Variants in ZFAT observed in about 807,000 individuals in gnomAD.
The protein encoded by ZFAT is zinc finger and AT-hook domain containing.
A neutral mutation model predicts 117.7 loss-of-function variants in ZFAT; 64 were observed. That is an observed-to-expected ratio of 0.54 (90% confidence interval 0.44 to 0.67). ZFAT has a LOEUF of 0.67. Ranked by LOEUF, ZFAT falls within the 30% of genes least tolerant of loss-of-function variation. The pLI is 0.00. For synonymous variants in ZFAT, 679 were observed against 615.0 expected (o/e 1.10, Z -1.54); for missense variants, 1,433 against 1,584.5 (o/e 0.90, Z 1.62).
intron 1 of ZFAT, among the ~76,000 whole-genome samples, chr8:134,685,031 C>T (rs1833253475): frequency 6.6e-6 from 1 of 152,172 alleles, no homozygotes; most frequent in Non-Finnish European, 1.5e-5. Context: ...CCCTCCCCTG[C>T]CCCAGCCACT....
At chr8:134,591,525 G>A (rs536766853) in intron 7 of ZFAT, among the ~76,000 whole-genome samples, 9 of 152,288 alleles carry the variant, frequency 5.9e-5, no homozygotes, top group African/African-American at 2.2e-4. Flanking sequence ...GGTGTTATTG[G>A]TTGAATTCTA....
chr8:134,712,927 C>T lies in ZFAT; in HGVS notation c.-64G>A. 6.9e-7 allele frequency: 1 copy of T among 1,453,796 alleles called. No homozygotes were observed. The highest frequency in any genetic ancestry group is 9.1e-7 in the Non-Finnish European group (1 of 1,104,762). 90.1% of individuals were successfully genotyped at this position (1,453,796 alleles called of 1,614,324 possible). ...TCTTCCGGGCCCCCTCCCGTGCCGA[C>T]CGAGGGGGCGGGGCGCCCTGCTGAC... is the stretch of plus-strand genomic sequence containing the variant. On this transcript the variant is annotated 5_prime_UTR_variant, in exon 1 of 16. Coordinates refer to ENST00000377838, the MANE Select transcript of ZFAT (RefSeq NM_020863.4).
At chr8:134,484,952 GA>G (rs1563759912) in intron 15 of ZFAT, among the ~76,000 whole-genome samples, 1 of 152,088 alleles carries the variant, frequency 6.6e-6, no homozygotes, top group East Asian at 1.9e-4. Context: ...GATGAACAAA[GA>G]AAGCAGTAAA....
the ZFAT span, among the ~76,000 whole-genome samples, chr8:134,757,997 A>T: frequency 1.3e-5 from 2 of 152,218 alleles, no homozygotes; most frequent in African/African-American, 4.8e-5. Context: ...AAATCTTCTG[A>T]TTTCAAAACC....
chr8:134,759,684 AT>A, the ZFAT span, among the ~76,000 whole-genome samples: 1 of 152,128 alleles, frequency 6.6e-6, no homozygotes, highest in South Asian at 2.1e-4. Flanking sequence ...AATTTTTAAA[AT>A]AACTTCCCAG....
At chr8:134,583,793 C>T (rs1004150190) in intron 10 of ZFAT, 39 bp downstream of exon 10, 19 of 1,606,530 alleles carry the variant, frequency 1.2e-5, no homozygotes, top group Non-Finnish European at 1.5e-5. Context: ...TCAAACCACA[C>T]ATTTAGAGGG....
chr8:134,480,887 AAGGG>A (rs1380585843), intron 15 of ZFAT, among the ~76,000 whole-genome samples: 1 of 152,132 alleles, frequency 6.6e-6, no homozygotes, highest in East Asian at 1.9e-4. Flanking sequence ...CATGAGTGAG[AAGGG>A]CTGTGTCAAA....
intron 2 of ZFAT, among the ~76,000 whole-genome samples, chr8:134,647,799 G>A (rs889108242): frequency 6.6e-6 from 1 of 151,992 alleles, no homozygotes; most frequent in Non-Finnish European, 1.5e-5. Flanking sequence ...TATAATCAAG[G>A]TGAAAGATCC....
At chr8:134,613,446 T>C (rs938213654) in intron 3 of ZFAT, among the ~76,000 whole-genome samples, 11 of 152,212 alleles carry the variant, frequency 7.2e-5, no homozygotes, top group Admixed American at 2.6e-4. Flanking sequence ...TCTGGCGCCA[T>C]GCCGTTTTAA....
At chr8:134,523,001 G>C (rs1820771606) in intron 12 of ZFAT, among the ~76,000 whole-genome samples, 1 of 152,164 alleles carries the variant, frequency 6.6e-6, no homozygotes, top group South Asian at 2.1e-4. Flanking sequence ...GTGGGTGAGA[G>C]TTCCCCTCCG....
intron 15 of ZFAT, among the ~76,000 whole-genome samples, chr8:134,501,306 C>G (rs1818957706): frequency 6.6e-6 from 1 of 152,154 alleles, no homozygotes; most frequent in Admixed American, 6.5e-5. Flanking sequence ...ATTCTCTTGC[C>G]TGGGTCTTCC....
intron 1 of ZFAT, among the ~76,000 whole-genome samples, chr8:134,686,077 G>A (rs1053741691): frequency 1.3e-5 from 2 of 152,226 alleles, no homozygotes; most frequent in African/African-American, 4.8e-5. Flanking sequence ...CCCAGAGGGG[G>A]TGCAGCTGCC....
chr8:134,762,076 CT>C, the ZFAT span, among the ~76,000 whole-genome samples: 1 of 151,704 alleles, frequency 6.6e-6, no homozygotes. Context: ...CGTTTAAGGC[CT>C]TTGTTTGTGG....
At chr8:134,747,296 C>T in the ZFAT span, among the ~76,000 whole-genome samples, 1 of 152,086 alleles carries the variant, frequency 6.6e-6, no homozygotes, top group Admixed American at 6.6e-5. Context: ...CACTGTGTTG[C>T]CCAGGCTGGT....
chr8:134,521,985 T>C (rs74840166), intron 12 of ZFAT, among the ~76,000 whole-genome samples: 4,334 of 152,282 alleles, frequency 0.028, 94 homozygotes, highest in Non-Finnish European at 0.042. Flanking sequence ...TGCCATGTCT[T>C]CTCTGTGGTC....
At chr8:134,485,585 G>A (rs2130063969) in intron 15 of ZFAT, among the ~76,000 whole-genome samples, 1 of 152,286 alleles carries the variant, frequency 6.6e-6, no homozygotes, top group East Asian at 1.9e-4. Flanking sequence ...AGACTGTGGG[G>A]AAGGCAGTGG....
chr8:134,809,085 G>A, the ZFAT span, among the ~76,000 whole-genome samples: 2 of 152,296 alleles, frequency 1.3e-5, no homozygotes, highest in Admixed American at 1.3e-4. Context: ...TTAGACCTGT[G>A]AGGCAGAGAA....
chr8:134,772,286 C>G, the ZFAT span, among the ~76,000 whole-genome samples: 1 of 152,212 alleles, frequency 6.6e-6, no homozygotes, highest in African/African-American at 2.4e-5. Context: ...CTAGGCCTCT[C>G]ATTCTGGTTA....
chr8:134,691,446 T>A (rs1010805044), intron 1 of ZFAT, among the ~76,000 whole-genome samples: 4 of 152,202 alleles, frequency 2.6e-5, no homozygotes, highest in Non-Finnish European at 1.5e-5. Context: ...TTCACACACA[T>A]GTCCCCTAGG....
Sources: gnomAD v4.1 joint callset for allele counts (sites outside exome capture counted in the v4.1 genomes callset) on GRCh38, gnomAD v4.1.1 for gene constraint, MANE v1.5 for transcripts, NCBI Gene and HGNC (gene_info 2026-07-23, HGNC 2026-07-21) for gene names.